Variants in LRPPRC observed in about 807,000 individuals in gnomAD.
LRPPRC encodes leucine rich pentatricopeptide repeat containing.
In LRPPRC, 120 loss-of-function variants were observed where a neutral mutation model predicts 180.3. That is an observed-to-expected ratio of 0.67 (90% CI 0.57 to 0.77). The LOEUF (loss-of-function observed/expected upper bound fraction) is 0.77, where lower values mean the gene tolerates loss of function less well. LRPPRC is among the 30% of genes least tolerant of loss of function. LRPPRC has a pLI of 0.00. For synonymous variants in LRPPRC, 723 were observed against 600.0 expected (o/e 1.21, Z -3.00); for missense variants, 2,012 against 1,657.2 (o/e 1.21, Z -3.72).
At chr2:43,986,242 G>C (rs552336122) in intron 1 of LRPPRC, among the ~76,000 whole-genome samples, 1 of 152,132 alleles carries the variant, frequency 6.6e-6, no homozygotes, top group African/African-American at 2.4e-5. Flanking sequence ...CGATTCTCAT[G>C]CCTCAGCCTC....
intron 31 of LRPPRC, chr2:43,904,724 A>AC (rs1491551407): frequency 2.0e-5 from 3 of 147,784 alleles, no homozygotes; most frequent in African/African-American, 7.5e-5. Context: ...AAAAAACAAA[A>AC]CAAAAAAAAA....
chr2:43,978,912 C>A (rs982605063), intron 3 of LRPPRC, among the ~76,000 whole-genome samples: 1 of 152,010 alleles, frequency 6.6e-6, no homozygotes, highest in East Asian at 1.9e-4. Flanking sequence ...TTACTGTGAG[C>A]TGATTTTCTG....
chr2:43,947,357 G>A lies in LRPPRC; in HGVS notation c.1979C>T (p.Thr660Ile), dbSNP rs369357148. The change falls in exon 20 of 38, where the codon ACA becomes ATA. Residue 660 changes from threonine to isoleucine, a missense_variant. Transcript: ENST00000260665. Reference protein sequence around the residue: ...NLDFQKTVQLTSSELESTLET... With the variant: ...NLDFQKTVQLISSELESTLET... ...AAGTGTGGACTCCAATTCAGATGAT[G>A]TAAGTTGCACAGTCTACAGAAAAGA... 3.8e-6 allele frequency: 6 copies of A among 1,565,796 alleles called. No homozygotes were observed. The highest frequency in any genetic ancestry group is 3.3e-5 in the South Asian group (3 of 90,078).
At chr2:43,919,542 G>A (rs1381695318) in intron 27 of LRPPRC, among the ~76,000 whole-genome samples, 2 of 152,274 alleles carry the variant, frequency 1.3e-5, no homozygotes, top group East Asian at 3.9e-4. Context: ...CAAGGGCTGG[G>A]AAGGAAATAG....
At chr2:43,924,916 G>A (rs1052234698) in intron 27 of LRPPRC, 151 bp downstream of exon 27, 10 of 650,548 alleles carry the variant, frequency 1.5e-5, no homozygotes, top group African/African-American at 1.3e-4. Context: ...AACATTCTGT[G>A]ATAAAATTCA....
At chr2:43,917,730 A>C (rs1413894091) in intron 29 of LRPPRC, among the ~76,000 whole-genome samples, 1 of 152,130 alleles carries the variant, frequency 6.6e-6, no homozygotes. Context: ...CGGAGCTTGC[A>C]GTGAGCTGAG....
At chr2:43,979,972 A>G in intron 2 of LRPPRC, 24 bp from the exon 3 acceptor site, 1 of 1,608,974 alleles carries the variant, frequency 6.2e-7, no homozygotes, top group Non-Finnish European at 8.5e-7. Flanking sequence ...GTTAATGGAT[A>G]ACATTTAACA....
intron 23 of LRPPRC, among the ~76,000 whole-genome samples, chr2:43,937,142 G>A (rs1363930054): frequency 6.6e-6 from 1 of 151,962 alleles, no homozygotes; most frequent in Non-Finnish European, 1.5e-5. Context: ...CAATCAAAGC[G>A]ACACGTTAAT....
In LRPPRC at chr2:43,942,634, T is replaced by C. The variant is rs116274555; in HGVS notation, c.2504+1053A>G. On this transcript the variant is annotated intron_variant, in intron 23 of 37. Coordinates refer to ENST00000260665, the MANE Select transcript of LRPPRC (RefSeq NM_133259.4). ...AAATTCAACACTAAATCATTTATTATATTCAATTAATTAAACTCTCTAATA... is the reference window on the plus strand; with the variant it reads ...AAATTCAACACTAAATCATTTATTACATTCAATTAATTAAACTCTCTAATA... Among the ~76,000 whole-genome samples, 781 of 152,220 alleles carry C rather than the reference T, an allele frequency of 5.1e-3. 13 individuals carry two copies. Among genetic ancestry groups the C allele is most frequent in the African/African-American group, 0.018 (740 of 41,574 alleles).
intron 36 of LRPPRC, among the ~76,000 whole-genome samples, 194 bp downstream of exon 36, chr2:43,894,351 A>AT (rs1572888490): frequency 1.3e-5 from 2 of 152,116 alleles, no homozygotes; most frequent in South Asian, 4.1e-4. Flanking sequence ...ATAATTTCAT[A>AT]TTTTTCTTAA....
intron 1 of LRPPRC, among the ~76,000 whole-genome samples, chr2:43,987,386 T>A (rs1272634016): frequency 6.8e-5 from 10 of 146,986 alleles, no homozygotes; most frequent in Non-Finnish European, 1.0e-4. Flanking sequence ...TCCCAGCTAC[T>A]CAGGAAGCTG....
At chr2:43,984,700 G>A (rs186085106) in intron 1 of LRPPRC, among the ~76,000 whole-genome samples, 1 of 152,264 alleles carries the variant, frequency 6.6e-6, no homozygotes, top group Non-Finnish European at 1.5e-5. Flanking sequence ...AGAAAAGAAA[G>A]AACAGAACAA....
At chr2:43,947,997 T>C in intron 18 of LRPPRC, 125 bp downstream of exon 18, 1 of 721,676 alleles carries the variant, frequency 1.4e-6, no homozygotes, top group Non-Finnish European at 2.5e-6. Context: ...AAAAGCTTCG[T>C]TTTAATGGCT....
chr2:43,954,673 G>T (rs755397416), intron 14 of LRPPRC, among the ~76,000 whole-genome samples: 5 of 152,126 alleles, frequency 3.3e-5, no homozygotes, highest in Non-Finnish European at 5.9e-5. Context: ...ACACACATGT[G>T]CATGCATGTG....
In LRPPRC at chr2:43,959,140, G is replaced by T. The variant is rs944023373; in HGVS notation, c.1582+1401C>A. On this transcript the variant is annotated intron_variant, in intron 13 of 37. Transcript: ENST00000260665. The stretch of plus-strand genomic sequence containing the variant: ...AATGGATGATATGATAAAAGGAAAA[G>T]GCAGCTCTCATGGATCCACCTCGTG... The T allele has an allele frequency of 2.4e-5, 17 of 699,592 alleles. No homozygotes were observed. The East Asian group carries it at 4.6e-4, about 19-fold the overall frequency. The allele number at this position is 699,592 out of a possible 1,614,324, so 43.3% of individuals were successfully genotyped here.
At chr2:43,965,809 A>G (rs1673529694) in intron 11 of LRPPRC, among the ~76,000 whole-genome samples, 1 of 152,154 alleles carries the variant, frequency 6.6e-6, no homozygotes, top group Admixed American at 6.5e-5. Context: ...TTAAGCCACA[A>G]TGAGATATCA....
At position 43,947,888 on chromosome 2, in the gene LRPPRC, C is replaced by A. The variant is rs1672750113; in HGVS notation, c.1921-113G>T. 6.6e-6 allele frequency: 5 copies of A among 754,714 alleles called. No individual in the cohort carries two copies. The East Asian group carries it at 1.0e-4, about 15-fold the overall frequency. The allele number at this position is 754,714 out of a possible 1,614,324, so 46.8% of individuals were successfully genotyped here. ...CCTCATATTACTACTTTTCATCTTT[C>A]CAAAATTTTAGACATTCTCTTCATA... On this transcript the variant is annotated intron_variant, in intron 18 of 37. Coordinates refer to ENST00000260665, the MANE Select transcript of LRPPRC (RefSeq NM_133259.4).
chr2:43,995,970 G>A lies in LRPPRC; in HGVS notation c.-23C>T, dbSNP rs1441200990. 2.0e-6 allele frequency: 3 copies of A among 1,523,996 alleles called. No homozygotes were observed. The highest frequency in any genetic ancestry group is 1.2e-5 in the South Asian group (1 of 83,060). The allele number at this position is 1,523,996 out of a possible 1,614,324, so 94.4% of individuals were successfully genotyped here. A position where few individuals can be genotyped will look rare whatever the true frequency, so the allele number is the denominator to read the frequency against. ...CATTGCTCGAACGTCCCCGCAGCGG[G>A]AAGCACGCTCCGCCAGAAGGACAGG... is the stretch of plus-strand genomic sequence containing the variant. On this transcript the variant is annotated 5_prime_UTR_variant, in exon 1 of 38. Coordinates refer to ENST00000260665, the MANE Select transcript of LRPPRC (RefSeq NM_133259.4).
At chr2:43,972,199 T>C (rs1164825804) in intron 11 of LRPPRC, among the ~76,000 whole-genome samples, 2 of 152,218 alleles carry the variant, frequency 1.3e-5, no homozygotes, top group Admixed American at 1.3e-4. Context: ...GGTCAGTCAC[T>C]GAATGTCTGT....
Sources: allele counts gnomAD v4.1 joint callset (sites outside exome capture counted in the v4.1 genomes callset), GRCh38; gene constraint gnomAD v4.1.1; transcripts MANE v1.5; gene names NCBI Gene and HGNC (gene_info 2026-07-23, HGNC 2026-07-21).